The following SYT2 variants were observed in gnomAD, a reference collection of about 807,000 sequenced individuals.
The protein encoded by SYT2 is synaptotagmin-2.
SYT2 carries 15 observed loss-of-function variants against 39.9 expected under a neutral mutation model. That is an observed-to-expected ratio of 0.38 (90% CI 0.25 to 0.58). The LOEUF (loss-of-function observed/expected upper bound fraction) is 0.58. SYT2 is among the 20% of genes least tolerant of loss of function. SYT2 has a pLI of 0.70. For missense variants in SYT2, 389 were observed against 530.3 expected (o/e 0.73, Z 2.62); for synonymous variants, 181 against 204.5 (o/e 0.89, Z 0.98).
At chr1:202,636,655 T>A (rs1023129479) in intron 1 of SYT2, 4 of 152,266 alleles carry the variant, frequency 2.6e-5, no homozygotes, top group African/African-American at 9.6e-5. Flanking sequence ...CCAGCTCTGC[T>A]GCTATGTTTC....
In SYT2 at chr1:202,623,810, G is replaced by A. The variant is rs1246572873; in HGVS notation, c.-17-18021C>T. ...GCGTGGGCAACTGCCAGCTGGGGGA[G>A]CGCTCACCAGGGGAAAGGGGAGCTC... On this transcript the variant is annotated intron_variant, in intron 1 of 8. Coordinates refer to ENST00000367268, the MANE Select transcript of SYT2 (RefSeq NM_177402.5). This position sits in a 1 kb window ranked among gnomAD's most constrained non-coding sequence, Gnocchi z 4.2. Among the ~76,000 whole-genome samples, 2 of 152,172 alleles carry A rather than the reference G, an allele frequency of 1.3e-5. No individual in the cohort carries two copies. Among genetic ancestry groups the A allele is most frequent in the African/African-American group, 4.8e-5 (2 of 41,400 alleles).
chr1:202,596,719 A>G lies in SYT2; in HGVS notation c.*38T>C. The stretch of plus-strand genomic sequence containing the variant: ...GGTATTGATAGCTCTGGATCTTGTC[A>G]GTGTCCGTGAAAGGTGTGGGGTCCC... On this transcript the variant is annotated 3_prime_UTR_variant, in exon 9 of 9. Coordinates refer to ENST00000367268, the MANE Select transcript of SYT2 (RefSeq NM_177402.5). 1 of 1,582,278 alleles carries G rather than the reference A, an allele frequency of 6.3e-7. No homozygotes were observed. Among genetic ancestry groups the G allele is most frequent in the Non-Finnish European group, 8.7e-7 (1 of 1,155,244 alleles).
At chr1:202,619,851 A>G (rs1050161008) in intron 1 of SYT2, among the ~76,000 whole-genome samples, 3 of 152,346 alleles carry the variant, frequency 2.0e-5, no homozygotes, top group Admixed American at 6.5e-5. Context: ...GCTCTGTTTG[A>G]TGAGCGCACA....
intron 1 of SYT2, among the ~76,000 whole-genome samples, chr1:202,699,007 TGTC>T (rs1654045006): frequency 1.5e-5 from 2 of 132,694 alleles, no homozygotes; most frequent in Non-Finnish European, 3.3e-5. Flanking sequence ...GTAACCAAAC[TGTC>T]TTTTTTTTTT....
chr1:202,708,227 A>ACC (rs1166633154), intron 1 of SYT2, among the ~76,000 whole-genome samples: 2 of 151,398 alleles, frequency 1.3e-5, no homozygotes, highest in Non-Finnish European at 2.9e-5. Flanking sequence ...CTGCATAATC[A>ACC]CCCCCTTCCC....
chr1:202,605,381 G>A lies in SYT2; in HGVS notation c.178+214C>T. 1.4e-5 allele frequency: 6 copies of A among 425,182 alleles called. No individual in the cohort carries two copies. The Admixed American group carries it at 2.3e-4, about 16-fold the overall frequency. 26.3% of individuals were successfully genotyped at this position (425,182 alleles called of 1,614,324 possible). A position where few individuals can be genotyped will look rare whatever the true frequency, so the allele number is the denominator to read the frequency against. On this transcript the variant is annotated intron_variant, in intron 2 of 8. Transcript: ENST00000367268. ...GTTATAAGAACTTTTCTTCCCCTGA[G>A]AAGTTGACGCACATAAACCCCCTTG...
chr1:202,680,366 A>G (rs1459937514), intron 1 of SYT2, among the ~76,000 whole-genome samples: 1 of 152,176 alleles, frequency 6.6e-6, no homozygotes, highest in Non-Finnish European at 1.5e-5. Context: ...CATACATAGA[A>G]CCTTTTGATG....
intron 5 of SYT2, 115 bp from the exon 6 acceptor site, chr1:202,602,172 G>A: frequency 1.1e-6 from 1 of 892,870 alleles, no homozygotes; most frequent in Non-Finnish European, 1.6e-6. Flanking sequence ...TGCCGAGACA[G>A]ACAAAGACCA....
At chr1:202,646,258 T>G (rs1692079280) in intron 1 of SYT2, among the ~76,000 whole-genome samples, 1 of 152,156 alleles carries the variant, frequency 6.6e-6, no homozygotes. Context: ...CCTCACTGTC[T>G]CCTTGCAGGG....
At chr1:202,683,431 A>G (rs987770747) in intron 1 of SYT2, among the ~76,000 whole-genome samples, 9 of 152,230 alleles carry the variant, frequency 5.9e-5, no homozygotes, top group Non-Finnish European at 1.3e-4. Flanking sequence ...ACAGGGGAAG[A>G]AGCCAGTCAC....
At chr1:202,606,158 C>T (rs747977595) in intron 1 of SYT2, among the ~76,000 whole-genome samples, 4 of 152,116 alleles carry the variant, frequency 2.6e-5, no homozygotes, top group Admixed American at 6.5e-5. Context: ...ACTTTCCATG[C>T]ATTATTCATC....
At chr1:202,670,756 GA>G (rs1206447246) in intron 1 of SYT2, among the ~76,000 whole-genome samples, 4 of 152,258 alleles carry the variant, frequency 2.6e-5, no homozygotes, top group Non-Finnish European at 5.9e-5. Context: ...AGCATGAAAG[GA>G]AGGTGTCCCT....
chr1:202,653,220 G>C (rs946184003), intron 1 of SYT2, among the ~76,000 whole-genome samples: 1 of 151,748 alleles, frequency 6.6e-6, no homozygotes, highest in Non-Finnish European at 1.5e-5. Context: ...TCCCCAACAC[G>C]GACCCCCCCT....
intron 1 of SYT2, among the ~76,000 whole-genome samples, chr1:202,700,681 G>A (rs1403507690): frequency 1.3e-5 from 2 of 152,056 alleles, no homozygotes; most frequent in Non-Finnish European, 2.9e-5. Context: ...TCACATCATT[G>A]CAAATCTCTT....
chr1:202,616,461 C>T (rs892023741), intron 1 of SYT2, among the ~76,000 whole-genome samples: 3 of 152,130 alleles, frequency 2.0e-5, no homozygotes, highest in Admixed American at 6.6e-5. Flanking sequence ...TTCTCCCCTT[C>T]GTGACCACGC....
chr1:202,649,732 T>C (rs1692157442), intron 1 of SYT2, among the ~76,000 whole-genome samples: 1 of 152,218 alleles, frequency 6.6e-6, no homozygotes, highest in African/African-American at 2.4e-5. Flanking sequence ...CTCATCCCTG[T>C]AACTACTTTA....
intron 1 of SYT2, among the ~76,000 whole-genome samples, chr1:202,615,306 C>T (rs910836750): frequency 6.6e-6 from 1 of 152,142 alleles, no homozygotes; most frequent in African/African-American, 2.4e-5. Flanking sequence ...GGGCAGTGGG[C>T]CCAGAGAGTG....
intron 1 of SYT2, among the ~76,000 whole-genome samples, chr1:202,677,465 G>A (rs1371099640): frequency 6.6e-6 from 1 of 152,218 alleles, no homozygotes; most frequent in Non-Finnish European, 1.5e-5. Flanking sequence ...GGAAGCTCAA[G>A]AAGTCCATGG....
chr1:202,661,881 T>A (rs1170144900), intron 1 of SYT2, among the ~76,000 whole-genome samples: 1 of 152,228 alleles, frequency 6.6e-6, no homozygotes, highest in Non-Finnish European at 1.5e-5. Context: ...TGCACGCATT[T>A]ACCCATTCAT....
Sources: allele counts gnomAD v4.1 joint callset (sites outside exome capture counted in the v4.1 genomes callset), GRCh38; gene constraint gnomAD v4.1.1; non-coding constraint Gnocchi (gnomAD v3.1); transcripts MANE v1.5; gene names NCBI Gene and HGNC (gene_info 2026-07-23, HGNC 2026-07-21).